Variants in ELAPOR2 observed in about 807,000 individuals in gnomAD.
The protein encoded by ELAPOR2 is endosome-lysosome associated apoptosis and autophagy regulator family member 2, also known as endosome/lysosome-associated apoptosis and autophagy regulator family member 2.
In ELAPOR2, 89 loss-of-function variants were observed where a neutral mutation model predicts 120.7. The ratio of observed to expected loss-of-function variants is 0.74; its 90% CI spans 0.62 to 0.88. ELAPOR2 has a LOEUF of 0.88. Ranked by LOEUF, ELAPOR2 falls within the 40% of genes least tolerant of loss-of-function variation. The pLI is 0.00. For missense variants in ELAPOR2, 1,134 were observed against 1,251.6 expected, an observed-to-expected ratio of 0.91 and a Z score of 1.42; for synonymous variants, 444 against 444.9, an observed-to-expected ratio of 1.00 and a Z score of 0.03.
chr7:87,049,982 G>A (rs1316111919), intron 1 of ELAPOR2, among the ~76,000 whole-genome samples: 1 of 152,178 alleles, frequency 6.6e-6, no homozygotes, highest in Non-Finnish European at 1.5e-5. Context: ...TCTTGCACTT[G>A]TTCTCTTTCT....
chr7:86,898,559 CAAAAAAAAAAAA>C (rs11418158), intron 18 of ELAPOR2, among the ~76,000 whole-genome samples: 5 of 66,586 alleles, frequency 7.5e-5, no homozygotes, highest in Non-Finnish European at 1.5e-4. Flanking sequence ...ACACAATGAC[CAAAAAAAAAAAA>C]AAAAAAAAAG....
At chr7:86,931,656 T>C (rs1234366387) in intron 8 of ELAPOR2, among the ~76,000 whole-genome samples, 2 of 151,908 alleles carry the variant, frequency 1.3e-5, no homozygotes, top group East Asian at 3.9e-4. Context: ...TGCTAGGTAC[T>C]ATACTAGGCT....
In ELAPOR2 at chr7:86,893,103, T is replaced by TAA; in HGVS notation, c.2686-4_2686-3insTT. On this transcript the variant is annotated splice_region_variant and splice_polypyrimidine_tract_variant and intron_variant, in intron 19 of 21. Coordinates refer to ENST00000450689, the MANE Select transcript of ELAPOR2 (RefSeq NM_001142749.3). ...TCATTCCACACATACAAGGTTTCCTTTAAAAAAAAAAACATAAAACCATAG... is the reference window on the plus strand; with the variant it reads ...TCATTCCACACATACAAGGTTTCCTTAATAAAAAAAAAAACATAAAACCATAG... 6.6e-7 allele frequency: 1 copy of TAA among 1,523,824 alleles called. No homozygotes were observed. Among genetic ancestry groups the TAA allele is most frequent in the East Asian group, 2.6e-5 (1 of 39,138 alleles). 94.4% of individuals were successfully genotyped at this position (1,523,824 alleles called of 1,614,324 possible).
At chr7:87,052,374 T>G (rs903675564) in intron 1 of ELAPOR2, among the ~76,000 whole-genome samples, 1 of 152,182 alleles carries the variant, frequency 6.6e-6, no homozygotes, top group East Asian at 1.9e-4. Context: ...TTATTCACTA[T>G]CATGAGAACA....
intron 1 of ELAPOR2, among the ~76,000 whole-genome samples, chr7:87,041,618 A>G (rs1163311610): frequency 6.6e-6 from 1 of 152,172 alleles, no homozygotes; most frequent in Non-Finnish European, 1.5e-5. Flanking sequence ...GAAGCACTAA[A>G]TATGAAAAGG....
intron 6 of ELAPOR2, 136 bp from the exon 7 acceptor site, chr7:86,939,096 A>T (rs143441522): frequency 3.2e-5 from 27 of 835,176 alleles, no homozygotes; most frequent in Non-Finnish European, 5.0e-5. Flanking sequence ...TATCTTATTC[A>T]TCCAGCACTA....
chr7:87,016,455 A>C (rs924238275), intron 1 of ELAPOR2, among the ~76,000 whole-genome samples: 1 of 151,866 alleles, frequency 6.6e-6, no homozygotes, highest in African/African-American at 2.4e-5. Flanking sequence ...GTCAGTTAAC[A>C]GTCCATTTCC....
At chr7:86,978,672 T>C (rs890879975) in intron 1 of ELAPOR2, among the ~76,000 whole-genome samples, 9 of 152,254 alleles carry the variant, frequency 5.9e-5, no homozygotes, top group African/African-American at 1.9e-4. Context: ...TTTTTCCAAC[T>C]GTGTGCCTTA....
chr7:86,939,398 G>A (rs1270512543), intron 6 of ELAPOR2, among the ~76,000 whole-genome samples: 1 of 151,994 alleles, frequency 6.6e-6, no homozygotes, highest in African/African-American at 2.4e-5. Flanking sequence ...GCCAGCAGAT[G>A]TCCTAGTGAC....
chr7:86,912,220 C>G lies in ELAPOR2; in HGVS notation c.2021G>C (p.Cys674Ser). The G allele has an allele frequency of 6.2e-7, 1 of 1,606,198 alleles. No individual in the cohort carries two copies. Among genetic ancestry groups the G allele is most frequent in the Non-Finnish European group, 8.5e-7 (1 of 1,173,554 alleles). ...ATTTTCTTTTTCATGGTAGAAAAAG[C>G]AGTCACTATAGCAAACCGAATGGTC... The part of the protein sequence containing the change: ...NQDHSVCYSD[C>S]FFYHEKENQS... Residue 674 changes from cysteine to serine, a missense_variant, in exon 15 of 22, where the codon TGC (cysteine) becomes TCC (serine). Around this residue, in one of 3 missense-constraint regions of ELAPOR2, gnomAD observed 831 missense variants for 867.6 expected, o/e 0.96. Transcript: ENST00000450689.
chr7:86,966,042 AATC>A (rs987004475), intron 1 of ELAPOR2: 2 of 760,450 alleles, frequency 2.6e-6, no homozygotes, highest in Non-Finnish European at 3.2e-6. Context: ...AGATTTCCCA[AATC>A]ATCAAGTCTG....
chr7:86,916,076 T>A (rs990896604), intron 12 of ELAPOR2, among the ~76,000 whole-genome samples: 3 of 152,140 alleles, frequency 2.0e-5, no homozygotes, highest in African/African-American at 7.2e-5. Context: ...TGTGAGAAGA[T>A]CATCACACAA....
At chr7:86,891,560 A>G (rs1362775545) in intron 21 of ELAPOR2, 164 bp downstream of exon 21, 1 of 540,074 alleles carries the variant, frequency 1.9e-6, no homozygotes, top group Non-Finnish European at 3.2e-6. Flanking sequence ...TGCAGTGAAT[A>G]TTATTGTATC....
At chr7:86,926,267 A>G (rs927785052) in intron 9 of ELAPOR2, among the ~76,000 whole-genome samples, 10 of 152,058 alleles carry the variant, frequency 6.6e-5, no homozygotes, top group Non-Finnish European at 2.9e-5. Flanking sequence ...GCCACTTCGC[A>G]TCATCACATC....
intron 1 of ELAPOR2, among the ~76,000 whole-genome samples, chr7:86,984,607 G>A (rs540414229): frequency 3.4e-4 from 52 of 152,262 alleles, no homozygotes; most frequent in Middle Eastern, 3.4e-3. Flanking sequence ...ACACAATGAA[G>A]GCAGAAATAA....
intron 19 of ELAPOR2, among the ~76,000 whole-genome samples, chr7:86,896,727 A>G (rs1431870544): frequency 6.6e-6 from 1 of 152,200 alleles, no homozygotes; most frequent in Non-Finnish European, 1.5e-5. Flanking sequence ...AAGCTAGTTC[A>G]GTGAAGCAGG....
chr7:86,904,336 A>G (rs772023491), intron 18 of ELAPOR2, among the ~76,000 whole-genome samples: 2 of 152,198 alleles, frequency 1.3e-5, no homozygotes, highest in African/African-American at 2.4e-5. Context: ...CAGTTCCTCT[A>G]TCTCCCTGAG....
At chr7:86,985,816 C>G (rs561875302) in intron 1 of ELAPOR2, among the ~76,000 whole-genome samples, 79 of 152,076 alleles carry the variant, frequency 5.2e-4, no homozygotes, top group African/African-American at 1.8e-3. Flanking sequence ...ATCCCTCCCC[C>G]CTGCCCCCAC....
chr7:86,936,003 T>C (rs935428971), intron 8 of ELAPOR2, among the ~76,000 whole-genome samples: 2 of 152,052 alleles, frequency 1.3e-5, no homozygotes, highest in Non-Finnish European at 2.9e-5. Context: ...TCCTATGTCA[T>C]GTCGATGGTA....
Sources: allele counts gnomAD v4.1 joint callset (sites outside exome capture counted in the v4.1 genomes callset), GRCh38; gene constraint gnomAD v4.1.1; regional missense constraint gnomAD v4.1.1; transcripts MANE v1.5; gene names NCBI Gene and HGNC (gene_info 2026-07-23, HGNC 2026-07-21).